CDC42SE2: variants seen among roughly 807,000 people sequenced by gnomAD.
CDC42SE2 encodes CDC42 small effector 2, also known as CDC42 small effector protein 2.
CDC42SE2 carries 3 observed loss-of-function variants against 11.5 expected under a neutral mutation model. The observed-to-expected ratio is 0.26, with a 90% confidence interval of 0.12 to 0.67. The LOEUF is 0.67. Among genes scored for constraint, CDC42SE2 ranks in the 30% least tolerant of loss-of-function variants. The probability of loss-of-function intolerance (pLI) is 0.80; values close to 1 mark genes in which losing one functional copy is unlikely to be tolerated. For missense variants in CDC42SE2, 82 were observed against 106.8 expected (o/e 0.77, Z 1.02); for synonymous variants, 33 against 34.8 (o/e 0.95, Z 0.18).
intron 2 of CDC42SE2, among the ~76,000 whole-genome samples, chr5:131,318,212 T>C (rs891690414): frequency 6.6e-5 from 10 of 152,194 alleles, no homozygotes; most frequent in Non-Finnish European, 1.0e-4. Context: ...GTGCGGGAAC[T>C]GAAGGTGTGA....
intron 3 of CDC42SE2, among the ~76,000 whole-genome samples, chr5:131,365,044 C>T (rs889200892): frequency 4.6e-5 from 7 of 152,116 alleles, no homozygotes; most frequent in African/African-American, 1.4e-4. Context: ...AATCCCAGCA[C>T]TTTGGGAGGC....
intron 3 of CDC42SE2, among the ~76,000 whole-genome samples, chr5:131,369,627 A>C (rs1749960308): frequency 6.6e-6 from 1 of 152,192 alleles, no homozygotes; most frequent in South Asian, 2.1e-4. Flanking sequence ...ATGTAGTAAC[A>C]GTTTTTTGAA....
At chr5:131,321,890 G>A (rs566743459) in intron 2 of CDC42SE2, among the ~76,000 whole-genome samples, 2 of 152,082 alleles carry the variant, frequency 1.3e-5, no homozygotes, top group African/African-American at 4.8e-5. Flanking sequence ...TCGCTGTGTC[G>A]CCCAGGCTGG....
chr5:131,286,408 T>TTTTA (rs397737258), intron 1 of CDC42SE2, among the ~76,000 whole-genome samples: 1 of 148,968 alleles, frequency 6.7e-6, no homozygotes, highest in African/African-American at 2.5e-5. Context: ...TTTTTTTTTT[T>TTTTA]AAATAAAGCA....
chr5:131,306,954 T>C (rs1490512350), intron 1 of CDC42SE2, among the ~76,000 whole-genome samples: 1 of 152,158 alleles, frequency 6.6e-6, no homozygotes, highest in Non-Finnish European at 1.5e-5. Context: ...CCCTGCAACT[T>C]TACTTCGTTT....
At chr5:131,276,759 G>A (rs931809731) in intron 1 of CDC42SE2, among the ~76,000 whole-genome samples, 5 of 144,110 alleles carry the variant, frequency 3.5e-5, no homozygotes, top group African/African-American at 1.3e-4. Context: ...ATGGAGACTT[G>A]CTCTGTCACC....
chr5:131,374,318 G>C (rs753771801), intron 3 of CDC42SE2, among the ~76,000 whole-genome samples: 1 of 152,050 alleles, frequency 6.6e-6, no homozygotes, highest in South Asian at 2.1e-4. Context: ...GCCAAGGCAG[G>C]TGGATCACGA....
intron 4 of CDC42SE2, among the ~76,000 whole-genome samples, chr5:131,390,436 G>A (rs2149791736): frequency 6.6e-6 from 1 of 152,272 alleles, no homozygotes; most frequent in Non-Finnish European, 1.5e-5. Context: ...TGTAATCGCA[G>A]CACTTTGGGA....
chr5:131,295,247 C>T (rs1757545318), intron 1 of CDC42SE2, among the ~76,000 whole-genome samples: 3 of 150,796 alleles, frequency 2.0e-5, no homozygotes, highest in Non-Finnish European at 4.4e-5. Context: ...GATGCCATTG[C>T]ACTCCAGCCT....
At chr5:131,211,818 CA>C in the CDC42SE2 span, among the ~76,000 whole-genome samples, 84 of 151,406 alleles carry the variant, frequency 5.5e-4, no homozygotes, top group Non-Finnish European at 1.1e-3. Context: ...CCCATGTCTA[CA>C]AAAAAAATTT....
At chr5:131,288,095 A>C (rs1757378863) in intron 1 of CDC42SE2, among the ~76,000 whole-genome samples, 1 of 151,986 alleles carries the variant, frequency 6.6e-6, no homozygotes. Context: ...AAAGTAAATA[A>C]ATAAATTAGC....
chr5:131,327,674 T>G (rs1213007827), intron 2 of CDC42SE2, among the ~76,000 whole-genome samples: 7 of 152,214 alleles, frequency 4.6e-5, no homozygotes, highest in Non-Finnish European at 2.9e-5. Context: ...ATAATTTATT[T>G]GACTACAACA....
At chr5:131,244,931 G>A (rs934426508), upstream of CDC42SE2, among the ~76,000 whole-genome samples, 1 of 152,164 alleles carries the variant, frequency 6.6e-6, no homozygotes, top group Non-Finnish European at 1.5e-5. Flanking sequence ...GGGGAATCAT[G>A]ATAAGGGACA....
chr5:131,368,917 A>G (rs1009359112), intron 3 of CDC42SE2, among the ~76,000 whole-genome samples: 33 of 152,232 alleles, frequency 2.2e-4, no homozygotes, highest in African/African-American at 8.0e-4. Flanking sequence ...TTTATTTTAC[A>G]TATAAATGTA....
intron 1 of CDC42SE2, among the ~76,000 whole-genome samples, chr5:131,254,907 T>C (rs1173841041): frequency 6.6e-6 from 1 of 152,166 alleles, no homozygotes; most frequent in Non-Finnish European, 1.5e-5. Flanking sequence ...GTTTTGGAAA[T>C]GAAATTAGAA....
At chr5:131,310,617 G>A (rs1757884436) in intron 1 of CDC42SE2, among the ~76,000 whole-genome samples, 1 of 151,586 alleles carries the variant, frequency 6.6e-6, no homozygotes, top group Non-Finnish European at 1.5e-5. Context: ...CTTGCTTTAT[G>A]AATCTGGGTG....
the CDC42SE2 span, among the ~76,000 whole-genome samples, chr5:131,219,957 T>C: frequency 1.3e-5 from 2 of 152,026 alleles, no homozygotes; most frequent in East Asian, 1.9e-4. Flanking sequence ...ACAAAAAAAG[T>C]TGTGGGTTGC....
At chr5:131,373,871 A>G (rs1020243169) in intron 3 of CDC42SE2, among the ~76,000 whole-genome samples, 2 of 152,194 alleles carry the variant, frequency 1.3e-5, no homozygotes, top group African/African-American at 4.8e-5. Flanking sequence ...GAAATAAAGT[A>G]GTGCATGAGA....
intron 3 of CDC42SE2, among the ~76,000 whole-genome samples, chr5:131,369,837 A>G (rs1232981884): frequency 6.6e-6 from 1 of 152,240 alleles, no homozygotes. Context: ...GAGTACAGAA[A>G]AAGACACATT....
Sources: allele counts gnomAD v4.1 joint callset (sites outside exome capture counted in the v4.1 genomes callset), GRCh38; gene constraint gnomAD v4.1.1; transcripts MANE v1.5; gene names NCBI Gene and HGNC (gene_info 2026-07-23, HGNC 2026-07-21).